The following YIPF4 variants were observed in gnomAD, a reference collection of about 807,000 sequenced individuals.
YIPF4 encodes Yip1 domain family member 4, also known as protein YIPF4.
In YIPF4, 18 loss-of-function variants were observed where a neutral mutation model predicts 29.4. That is an observed-to-expected ratio of 0.61 (90% CI 0.42 to 0.91). The LOEUF (loss-of-function observed/expected upper bound fraction) is 0.91. YIPF4 is among the 40% of genes least tolerant of loss of function. The pLI, the probability that YIPF4 is intolerant of heterozygous loss-of-function variation, is 0.00. For missense variants in YIPF4, 279 were observed against 282.7 expected (o/e 0.99, Z 0.09); for synonymous variants, 115 against 104.7 (o/e 1.10, Z -0.60).
At chr2:32,298,461 G>T in intron 4 of YIPF4, 150 bp downstream of exon 4, 2 of 527,498 alleles carry the variant, frequency 3.8e-6, no homozygotes, top group Non-Finnish European at 6.6e-6. Context: ...TATTAGTATT[G>T]TGCTTACTCA....
In YIPF4 at chr2:32,314,787, T is replaced by G. The variant is rs924993670; in HGVS notation, c.*9161T>G. ...ATTCAACAAACATTGGCTGTTATTA[T>G]ATTAGCTATTAAAAATTTAAGTCAT... On this transcript the variant is annotated 3_prime_UTR_variant, in exon 6 of 6. Coordinates refer to ENST00000238831, the MANE Select transcript of YIPF4 (RefSeq NM_032312.4). 1 of 152,198 alleles carries G rather than the reference T, an allele frequency of 6.6e-6. No individual in the cohort carries two copies. The highest frequency in any genetic ancestry group is 1.5e-5 in the Non-Finnish European group (1 of 68,038). 9.4% of individuals were successfully genotyped at this position (152,198 alleles called of 1,614,324 possible).
chr2:32,287,060 C>T (rs1028252771), intron 1 of YIPF4, among the ~76,000 whole-genome samples: 3 of 152,058 alleles, frequency 2.0e-5, no homozygotes, highest in African/African-American at 4.8e-5. Context: ...GACTGGCCAA[C>T]ATGTTGAAAC....
chr2:32,304,550 G>A (rs1382769088), intron 5 of YIPF4, among the ~76,000 whole-genome samples: 6 of 151,986 alleles, frequency 3.9e-5, no homozygotes, highest in Admixed American at 3.9e-4. Flanking sequence ...TGTCCCCCAG[G>A]GGACATTTGT....
At chr2:32,295,380 A>G (rs778180887) in intron 3 of YIPF4, among the ~76,000 whole-genome samples, 27 of 152,264 alleles carry the variant, frequency 1.8e-4, no homozygotes, top group Non-Finnish European at 3.7e-4. Flanking sequence ...ATACAGATTT[A>G]TTATTTTACG....
At chr2:32,296,427 C>T (rs552246774) in intron 3 of YIPF4, among the ~76,000 whole-genome samples, 21 of 150,690 alleles carry the variant, frequency 1.4e-4, no homozygotes, top group Admixed American at 2.7e-4. Flanking sequence ...GCCGAGATCA[C>T]GCCACTGCAC....
Position 32,305,962 on chromosome 2 carries a change from T to G in YIPF4, c.*336T>G. 1 of 992,288 alleles carries G rather than the reference T, an allele frequency of 1.0e-6. No individual in the cohort carries two copies. Among genetic ancestry groups the G allele is most frequent in the Non-Finnish European group, 1.2e-6 (1 of 834,532 alleles). 61.5% of individuals were successfully genotyped at this position (992,288 alleles called of 1,614,324 possible). A position where few individuals can be genotyped will look rare whatever the true frequency, so the allele number is the denominator to read the frequency against. The stretch of plus-strand genomic sequence containing the variant: ...TGGTAATTATATTTCACTTAAAGGG[T>G]AAATTTGACAATATCTTGATAATCA... On this transcript the variant is annotated 3_prime_UTR_variant, in exon 6 of 6. Transcript: ENST00000238831.
At chr2:32,297,947 G>A (rs1482582652) in intron 3 of YIPF4, among the ~76,000 whole-genome samples, 2 of 151,016 alleles carry the variant, frequency 1.3e-5, no homozygotes, top group African/African-American at 4.9e-5. Flanking sequence ...AAGACAGGGG[G>A]TTGATAGTAA....
rs954316498 is a variant in YIPF4 at position 32,291,647 on chromosome 2, C to T, written c.234-530C>T. Among the ~76,000 whole-genome samples the T allele has an allele frequency of 3.3e-5, 5 of 152,238 alleles. No individual in the cohort carries two copies. In the East Asian group the frequency reaches 9.6e-4, roughly 29 times the overall value. On this transcript the variant is annotated intron_variant, in intron 2 of 5. Coordinates refer to ENST00000238831, the MANE Select transcript of YIPF4 (RefSeq NM_032312.4). ...TTAAACAGAAAAGTGCGTAAGACGG[C>T]ATAAAGCTGGGACATCAAAGGGCTA...
intron 1 of YIPF4, among the ~76,000 whole-genome samples, chr2:32,287,063 G>A (rs1313346439): frequency 6.6e-6 from 1 of 152,068 alleles, no homozygotes; most frequent in East Asian, 1.9e-4. Context: ...TGGCCAACAT[G>A]TTGAAACCCC....
In YIPF4 at chr2:32,307,101, C is replaced by T; in HGVS notation, c.*1475C>T. On this transcript the variant is annotated 3_prime_UTR_variant, in exon 6 of 6. Transcript: ENST00000238831. ...TTACATGTACTGATTTTTTTAAAAA[C>T]AGGTGAGAAGCACCAGAGGGACAGG... is the stretch of plus-strand genomic sequence containing the variant. 7.7e-7 allele frequency: 1 copy of T among 1,292,964 alleles called. No homozygotes were observed. The highest frequency in any genetic ancestry group is 1.0e-6 in the Non-Finnish European group (1 of 984,896). 80.1% of individuals were successfully genotyped at this position (1,292,964 alleles called of 1,614,324 possible). A position where few individuals can be genotyped will look rare whatever the true frequency, so the allele number is the denominator to read the frequency against.
intron 4 of YIPF4, among the ~76,000 whole-genome samples, chr2:32,298,561 A>G (rs530523956): frequency 5.3e-5 from 8 of 152,158 alleles, no homozygotes; most frequent in African/African-American, 1.9e-4. Context: ...TAATTTATTT[A>G]TTTTTTATTT....
chr2:32,290,122 A>C (rs556330750), intron 1 of YIPF4, among the ~76,000 whole-genome samples: 2 of 152,320 alleles, frequency 1.3e-5, no homozygotes, highest in Non-Finnish European at 2.9e-5. Flanking sequence ...GTTCTGAGGC[A>C]CATGATATGT....
At chr2:32,283,074 C>CAA (rs78012507) in intron 1 of YIPF4, among the ~76,000 whole-genome samples, 61 of 68,766 alleles carry the variant, frequency 8.9e-4, no homozygotes, top group Non-Finnish European at 8.8e-4. Context: ...GAGACTGTCT[C>CAA]AAAAAAAAAA....
chr2:32,304,211 G>A (rs182358063), intron 5 of YIPF4, among the ~76,000 whole-genome samples: 26 of 152,034 alleles, frequency 1.7e-4, no homozygotes, highest in African/African-American at 4.3e-4. Context: ...AATATGATGC[G>A]AAACTAATCA....
At chr2:32,300,091 A>T (rs962899424) in intron 4 of YIPF4, among the ~76,000 whole-genome samples, 4 of 151,670 alleles carry the variant, frequency 2.6e-5, no homozygotes, top group East Asian at 1.9e-4. Context: ...ACATGGAGAA[A>T]CCCCATCCCT....
chr2:32,280,460 A>G (rs536144681), intron 1 of YIPF4, among the ~76,000 whole-genome samples: 2 of 150,524 alleles, frequency 1.3e-5, no homozygotes, highest in East Asian at 3.9e-4. Flanking sequence ...GCTCACTGCA[A>G]GCTCCGCCTC....
Position 32,306,591 on chromosome 2 carries a change from C to T in YIPF4, c.*965C>T. The T allele has an allele frequency of 1.0e-6, 1 of 985,090 alleles. No homozygotes were observed. Among genetic ancestry groups the T allele is most frequent in the Non-Finnish European group, 1.2e-6 (1 of 829,698 alleles). 61.0% of individuals were successfully genotyped at this position (985,090 alleles called of 1,614,324 possible). On this transcript the variant is annotated 3_prime_UTR_variant, in exon 6 of 6. Transcript: ENST00000238831. ...AGTTGTGTGTTTTGTTTTACAGCACCATGTCCTGTATTACTTGATATTTTA... is the reference window on the plus strand; with the variant it reads ...AGTTGTGTGTTTTGTTTTACAGCACTATGTCCTGTATTACTTGATATTTTA...
rs546832103 is a variant in YIPF4 at position 32,313,281 on chromosome 2, A to G, written c.*7655A>G. 4.9e-4 allele frequency: 75 copies of G among 152,280 alleles called. No homozygotes were observed. Among genetic ancestry groups the G allele is most frequent in the African/African-American group, 1.8e-3 (74 of 41,556 alleles). 9.4% of individuals were successfully genotyped at this position (152,280 alleles called of 1,614,324 possible). On this transcript the variant is annotated 3_prime_UTR_variant, in exon 6 of 6. Coordinates refer to ENST00000238831, the MANE Select transcript of YIPF4 (RefSeq NM_032312.4). Reference sequence around the variant, plus strand: ...TTGGGGAAAAAAATTTAAAAATATAAAAAGAAAACCAGTTTGAAGTTTAGT... The same window carrying G: ...TTGGGGAAAAAAATTTAAAAATATAGAAAGAAAACCAGTTTGAAGTTTAGT...
intron 1 of YIPF4, among the ~76,000 whole-genome samples, chr2:32,283,892 AT>A (rs533692370): frequency 6.6e-6 from 1 of 151,628 alleles, no homozygotes; most frequent in African/African-American, 2.4e-5. Context: ...TAATTTTTGT[AT>A]TTTTTTAATA....
Sources: allele counts gnomAD v4.1 joint callset (sites outside exome capture counted in the v4.1 genomes callset), GRCh38; gene constraint gnomAD v4.1.1; transcripts MANE v1.5; gene names NCBI Gene and HGNC (gene_info 2026-07-23, HGNC 2026-07-21).